The following TMEM132B variants were observed in gnomAD, a reference collection of about 807,000 sequenced individuals.
The protein encoded by TMEM132B is transmembrane protein 132B.
TMEM132B carries 18 observed loss-of-function variants against 90.8 expected under a neutral mutation model. That is an observed-to-expected ratio of 0.20 (90% confidence interval 0.14 to 0.29). The LOEUF (loss-of-function observed/expected upper bound fraction) is 0.29, where lower values mean the gene tolerates loss of function less well. Ranked by LOEUF, TMEM132B falls within the 10% of genes least tolerant of loss-of-function variation. The probability of loss-of-function intolerance (pLI) is 1.00; values close to 1 mark genes in which losing one functional copy is unlikely to be tolerated. For missense variants in TMEM132B, 1,096 were observed against 1,326.8 expected, an observed-to-expected ratio of 0.83 and a Z score of 2.70; for synonymous variants, 504 against 523.3, an observed-to-expected ratio of 0.96 and a Z score of 0.50.
intron 1 of TMEM132B, among the ~76,000 whole-genome samples, chr12:125,333,527 C>G (rs1452315871): frequency 6.6e-6 from 1 of 152,184 alleles, no homozygotes; most frequent in Non-Finnish European, 1.5e-5. Context: ...ACTCTGCCCT[C>G]CTCAGTGTTG....
chr12:125,309,344 TC>T (rs1320466229), intron 1 of TMEM132B, among the ~76,000 whole-genome samples: 1 of 152,216 alleles, frequency 6.6e-6, no homozygotes, highest in Non-Finnish European at 1.5e-5. Context: ...TAAGATTAGA[TC>T]TTTGCAGCTT....
intron 1 of TMEM132B, among the ~76,000 whole-genome samples, chr12:125,268,425 A>C (rs565314707): frequency 6.6e-6 from 1 of 152,326 alleles, no homozygotes; most frequent in Admixed American, 6.5e-5. Flanking sequence ...GTCCATCAAG[A>C]GGGGCATGGG....
At chr12:125,290,137 C>T (rs1343663353) in intron 1 of TMEM132B, among the ~76,000 whole-genome samples, 3 of 152,134 alleles carry the variant, frequency 2.0e-5, no homozygotes, top group Admixed American at 6.5e-5. Context: ...AAATGAAAGC[C>T]GTCCGTGAAT....
intron 1 of TMEM132B, among the ~76,000 whole-genome samples, chr12:125,337,117 T>C (rs1338771150): frequency 6.6e-6 from 1 of 152,218 alleles, no homozygotes; most frequent in African/African-American, 2.4e-5. Context: ...CTCTTCACTT[T>C]TGTTTCTCTG....
chr12:125,542,046 A>AG (rs1883972799), intron 4 of TMEM132B, among the ~76,000 whole-genome samples: 2 of 150,590 alleles, frequency 1.3e-5, no homozygotes, highest in South Asian at 4.2e-4. Flanking sequence ...AAAAAAAAAA[A>AG]AAAAAAGAAG....
At chr12:125,311,941 A>G (rs999364517) in intron 1 of TMEM132B, among the ~76,000 whole-genome samples, 3 of 152,236 alleles carry the variant, frequency 2.0e-5, no homozygotes, top group Non-Finnish European at 4.4e-5. Flanking sequence ...AGTAGGAAGT[A>G]CATGGCATAA....
chr12:125,533,892 C>T (rs938727553), intron 4 of TMEM132B, among the ~76,000 whole-genome samples: 4 of 152,206 alleles, frequency 2.6e-5, no homozygotes, highest in African/African-American at 9.7e-5. Context: ...TAAGATGATG[C>T]ATGCTCATTA....
chr12:125,194,268 T>TGG (rs150191019), intron 1 of TMEM132B, among the ~76,000 whole-genome samples: 254 of 149,582 alleles, frequency 1.7e-3, no homozygotes, highest in East Asian at 7.5e-3. Context: ...ATTAACCCGT[T>TGG]GGTGGGGGGG....
rs1188379855 is a variant in TMEM132B, at chr12:125,617,046, C to G, written c.1438-27030C>G. Among the ~76,000 whole-genome samples, 3 of 152,138 alleles carry G rather than the reference C, an allele frequency of 2.0e-5. No homozygotes were observed. In the East Asian group the frequency reaches 5.8e-4, roughly 29 times the overall value. On this transcript the variant is annotated intron_variant, in intron 5 of 8. Coordinates refer to ENST00000682704, the MANE Select transcript of TMEM132B (RefSeq NM_001366854.1). ...AGAAATAAATTTCTGTTGTTTAAACCACCCAGTGTATGGTATTTTGTTGTA... is the reference window on the plus strand; with the variant it reads ...AGAAATAAATTTCTGTTGTTTAAACGACCCAGTGTATGGTATTTTGTTGTA...
chr12:125,602,079 T>C (rs1441422038), intron 5 of TMEM132B, among the ~76,000 whole-genome samples: 1 of 152,130 alleles, frequency 6.6e-6, no homozygotes, highest in African/African-American at 2.4e-5. Context: ...TTCCAAACAA[T>C]TGAAAAGGAG....
intron 2 of TMEM132B, among the ~76,000 whole-genome samples, chr12:125,390,771 A>G (rs1878985790): frequency 6.6e-6 from 1 of 152,112 alleles, no homozygotes. Flanking sequence ...AGCCCCAGTC[A>G]AGCCTTCAGA....
At chr12:125,444,958 GCAACAAA>G (rs1310415418) in intron 3 of TMEM132B, among the ~76,000 whole-genome samples, 5 of 152,080 alleles carry the variant, frequency 3.3e-5, no homozygotes, top group Admixed American at 6.5e-5. Context: ...GCAATTCTTT[GCAACAAA>G]TCCCCTTAAC....
intron 1 of TMEM132B, among the ~76,000 whole-genome samples, chr12:125,317,304 G>C (rs535110394): frequency 6.6e-6 from 1 of 152,168 alleles, no homozygotes; most frequent in South Asian, 2.1e-4. Context: ...TATTAGGCAC[G>C]ATTGTTTAAA....
chr12:125,611,396 A>T (rs1288825439), intron 5 of TMEM132B, among the ~76,000 whole-genome samples: 1 of 151,830 alleles, frequency 6.6e-6, no homozygotes, highest in Non-Finnish European at 1.5e-5. Context: ...TTTCTATGAT[A>T]TATTTCATTA....
chr12:125,620,964 C>T (rs956656733), intron 5 of TMEM132B, among the ~76,000 whole-genome samples: 4 of 152,156 alleles, frequency 2.6e-5, no homozygotes, highest in Admixed American at 2.6e-4. Context: ...ACAGCCAAAC[C>T]ATATCACACA....
At chr12:125,429,273 C>A (rs992514174) in intron 3 of TMEM132B, among the ~76,000 whole-genome samples, 23 of 151,710 alleles carry the variant, frequency 1.5e-4, no homozygotes, top group African/African-American at 5.6e-4. Flanking sequence ...GATCTTGGCT[C>A]ACTGCAACCT....
chr12:125,435,615 T>C (rs1254514067), intron 3 of TMEM132B, among the ~76,000 whole-genome samples: 1 of 152,216 alleles, frequency 6.6e-6, no homozygotes, highest in Non-Finnish European at 1.5e-5. Flanking sequence ...ATGTCCTCCA[T>C]GAAGTTTATA....
intron 1 of TMEM132B, among the ~76,000 whole-genome samples, chr12:125,337,520 C>G (rs1566005847): frequency 6.6e-6 from 1 of 152,096 alleles, no homozygotes; most frequent in African/African-American, 2.4e-5. Context: ...GCTTCTCTTT[C>G]AAGAAGAAGT....
At chr12:125,599,836 C>G (rs1885531058) in intron 5 of TMEM132B, among the ~76,000 whole-genome samples, 2 of 152,042 alleles carry the variant, frequency 1.3e-5, no homozygotes, top group African/African-American at 4.8e-5. Context: ...TGACTATACT[C>G]TATTTGGTGA....
Sources: gnomAD v4.1 joint callset for allele counts (sites outside exome capture counted in the v4.1 genomes callset) on GRCh38, gnomAD v4.1.1 for gene constraint, MANE v1.5 for transcripts, NCBI Gene and HGNC (gene_info 2026-07-23, HGNC 2026-07-21) for gene names.